The following KCP variants were observed in gnomAD, a reference collection of about 807,000 sequenced individuals.
KCP encodes kielin/chordin-like protein.
A neutral mutation model predicts 212.7 loss-of-function variants in KCP; 194 were observed. The observed-to-expected ratio is 0.91, with a 90% confidence interval of 0.81 to 1.03. The LOEUF (loss-of-function observed/expected upper bound fraction) is 1.03, where lower values mean the gene tolerates loss of function less well. Among genes scored for constraint, KCP ranks in the 50% least tolerant of loss-of-function variants. The probability of loss-of-function intolerance (pLI) is 0.00; values close to 1 mark genes in which losing one functional copy is unlikely to be tolerated. For missense variants in KCP, 2,080 were observed against 2,162.5 expected (o/e 0.96, Z 0.76); for synonymous variants, 833 against 865.3 (o/e 0.96, Z 0.65).
At chr7:128,909,478 T>G (rs1017244470) in intron 1 of KCP, among the ~76,000 whole-genome samples, 2 of 152,218 alleles carry the variant, frequency 1.3e-5, no homozygotes, top group Non-Finnish European at 2.9e-5. Flanking sequence ...GAACTTGCTT[T>G]GTCCCAAGTT....
intron 5 of KCP, chr7:128,904,357 C>T (rs755635742): frequency 4.5e-6 from 7 of 1,551,618 alleles, no homozygotes; most frequent in Non-Finnish European, 5.2e-6. Flanking sequence ...AACACGAGGG[C>T]CCCTGGCACT....
At chr7:128,877,356 G>A in intron 39 of KCP, 45 bp from the exon 40 acceptor site, 1 of 1,527,334 alleles carries the variant, frequency 6.5e-7, no homozygotes, top group Non-Finnish European at 8.8e-7. Context: ...ACCTGAAACT[G>A]CCCCAGTTGC....
chr7:128,904,625 G>A (rs1276375049), intron 5 of KCP, among the ~76,000 whole-genome samples: 1 of 152,234 alleles, frequency 6.6e-6, no homozygotes, highest in Non-Finnish European at 1.5e-5. Flanking sequence ...GGATGTGGGT[G>A]GTGGCTGATT....
In KCP at chr7:128,910,701, C is replaced by CCGTCTGT. The variant is rs773071953; in HGVS notation, c.-32_-26dup. 8 of 1,471,104 alleles carry CCGTCTGT rather than the reference C, an allele frequency of 5.4e-6. No homozygotes were observed. The South Asian group carries it at 1.1e-4, about 19-fold the overall frequency. The allele number at this position is 1,471,104 out of a possible 1,614,324, so 91.1% of individuals were successfully genotyped here. A position where few individuals can be genotyped will look rare whatever the true frequency, so the allele number is the denominator to read the frequency against. On this transcript the variant is annotated 5_prime_UTR_variant, in exon 1 of 40. Coordinates refer to ENST00000610776, the MANE Select transcript of KCP (RefSeq NM_001366122.1). ...TGCTAGCTCCGCCTCGCTCGGCTCG[C>CCGTCTGT]CGTCTGTCGTCGCGGCTCAGCAGGC...
chr7:128,883,469 G>T (rs908574087), intron 29 of KCP, among the ~76,000 whole-genome samples: 1 of 152,098 alleles, frequency 6.6e-6, no homozygotes, highest in Admixed American at 6.5e-5. Flanking sequence ...ACGTTCACCT[G>T]TATTGCAAAG....
intron 6 of KCP, 86 bp downstream of exon 6, chr7:128,903,970 G>T: frequency 7.2e-7 from 1 of 1,387,650 alleles, no homozygotes; most frequent in Non-Finnish European, 1.0e-6. Context: ...CATGTGAGGG[G>T]GCTGGAGGAG....
rs1794242885 is a variant in KCP, at chr7:128,892,757, G to C, written c.1458C>G (p.His486Gln). 1 of 1,551,610 alleles carries C rather than the reference G, an allele frequency of 6.4e-7. No individual in the cohort carries two copies. Among genetic ancestry groups the C allele is most frequent in the African/African-American group, 1.4e-5 (1 of 73,054 alleles). ...CCPSCDSCTY[H>Q]SQVYANGQNF... is the part of the protein sequence containing the mutation. The stretch of plus-strand genomic sequence containing the variant: ...TCTGCCCATTGGCATACACTTGGCT[G>C]TGGTAGGTGCAGCTGTCACAGCTGG... Residue 486 changes from histidine to glutamine, a missense_variant, in exon 15 of 40, where the codon CAC (histidine) becomes CAG (glutamine). Transcript: ENST00000610776.
Position 128,908,575 on chromosome 7 carries a change from G to T in KCP, c.77-7C>A, listed in dbSNP as rs117261419. On this transcript the variant is annotated splice_region_variant and splice_polypyrimidine_tract_variant and intron_variant, in intron 1 of 39. Coordinates refer to ENST00000610776, the MANE Select transcript of KCP (RefSeq NM_001366122.1). ...TCCCTGGGGACAGCCCCACCTGAAGGGCACAAGAATCCCATGTGGGCCTGA... is the reference window on the plus strand; with the variant it reads ...TCCCTGGGGACAGCCCCACCTGAAGTGCACAAGAATCCCATGTGGGCCTGA... The T allele has an allele frequency of 3.1e-3, 4,798 of 1,548,652 alleles. 12 individuals are homozygous for T. The highest frequency in any genetic ancestry group is 6.9e-3 in the South Asian group (577 of 83,884).
At chr7:128,887,084 A>G in intron 23 of KCP, 118 bp from the exon 24 acceptor site, 1 of 1,055,244 alleles carries the variant, frequency 9.5e-7, no homozygotes, top group East Asian at 2.6e-5. Context: ...ACCTGAGCCC[A>G]GTCCTGTCCC....
At chr7:128,902,692 C>T (rs891196593) in intron 8 of KCP, 85 bp downstream of exon 8, 14 of 1,268,868 alleles carry the variant, frequency 1.1e-5, no homozygotes, top group Admixed American at 4.0e-5. Flanking sequence ...AACACCTCTG[C>T]GAAGTACTCC....
At chr7:128,901,209 G>C (rs1029723989) in intron 8 of KCP, among the ~76,000 whole-genome samples, 5 of 152,208 alleles carry the variant, frequency 3.3e-5, no homozygotes, top group African/African-American at 1.2e-4. Flanking sequence ...AAAAGGGGAG[G>C]CATGAATAAT....
At position 128,890,447 on chromosome 7, in the gene KCP, T is replaced by C; in HGVS notation, c.2231A>G (p.His744Arg). 6.4e-7 allele frequency: 1 copy of C among 1,550,918 alleles called. No homozygotes were observed. Among genetic ancestry groups the C allele is most frequent in the Non-Finnish European group, 8.7e-7 (1 of 1,146,910 alleles). ...GCTGCCCTCCCAGCAAAGGCAGAGG[T>C]GGCAGGCAGCAGTGGGCGATGGGAA... ...ERFPSPTAACHLCLCWEGSVS... is the reference protein window; with the variant it reads ...ERFPSPTAACRLCLCWEGSVS... The change falls in exon 21 of 40, where the codon CAC (histidine) becomes CGC (arginine). Residue 744 changes from histidine to arginine, a missense_variant. Coordinates refer to ENST00000610776, the MANE Select transcript of KCP (RefSeq NM_001366122.1).
intron 22 of KCP, among the ~76,000 whole-genome samples, chr7:128,888,567 CATAT>C (rs1429404645): frequency 6.6e-6 from 1 of 151,378 alleles, no homozygotes; most frequent in Non-Finnish European, 1.5e-5. Context: ...CATACACACA[CATAT>C]ACACACGGCC....
At chr7:128,877,855 C>G in intron 38 of KCP, 65 bp from the exon 39 acceptor site, 2 of 1,362,996 alleles carry the variant, frequency 1.5e-6, no homozygotes, top group South Asian at 1.4e-5. Flanking sequence ...ATGCCGTGCT[C>G]TTCAAAGCAC....
At position 128,893,903 on chromosome 7, in the gene KCP, C is replaced by G. The variant is rs1395749589; in HGVS notation, c.1006-4G>C. The stretch of plus-strand genomic sequence containing the variant: ...GCTCACACTGGACACTCCCATTCTG[C>G]CAACAGGGCCTGGTCAGCACGCCAG... On this transcript the variant is annotated splice_region_variant and splice_polypyrimidine_tract_variant and intron_variant, in intron 10 of 39. Coordinates refer to ENST00000610776, the MANE Select transcript of KCP (RefSeq NM_001366122.1). 1.3e-6 allele frequency: 2 copies of G among 1,551,006 alleles called. No homozygotes were observed. Among genetic ancestry groups the G allele is most frequent in the Non-Finnish European group, 1.7e-6 (2 of 1,146,926 alleles).
rs759086004 is a variant in KCP at position 128,877,029 on chromosome 7, G to C, written c.*14C>G. 42 of 1,536,630 alleles carry C rather than the reference G, an allele frequency of 2.7e-5. No homozygotes were observed. Among genetic ancestry groups the C allele is most frequent in the Non-Finnish European group, 3.6e-5 (41 of 1,143,192 alleles). On this transcript the variant is annotated 3_prime_UTR_variant, in exon 40 of 40. Transcript: ENST00000610776. ...CTCCTGGCCTGATGAACCCTTATCA[G>C]GCACTGTCCTGGCTCAGGGTGTCTC... is the stretch of plus-strand genomic sequence containing the variant.
chr7:128,891,771 T>C lies in KCP; in HGVS notation c.1670A>G (p.His557Arg). 1 of 1,448,414 alleles carries C rather than the reference T, an allele frequency of 6.9e-7. No individual in the cohort carries two copies. The highest frequency in any genetic ancestry group is 9.1e-7 in the Non-Finnish European group (1 of 1,098,428). 89.7% of individuals were successfully genotyped at this position (1,448,414 alleles called of 1,614,324 possible). ...GCACTCCTGGCAGGGGTCTCGGGGG[T>C]GGGAGAAGCTCTCGCCGTCCACAAA... Reference protein sequence around the residue: ...EVFVDGESFSHPRDPCQECRC... With the variant: ...EVFVDGESFSRPRDPCQECRC... Residue 557 changes from histidine to arginine, a missense_variant, in exon 17 of 40, where the codon CAC becomes CGC. By Grantham distance (29) the His-to-Arg change is conservative. Transcript: ENST00000610776.
chr7:128,889,789 A>AGACAGGGG (rs1270595131), intron 21 of KCP, among the ~76,000 whole-genome samples: 1 of 152,150 alleles, frequency 6.6e-6, no homozygotes, highest in Non-Finnish European at 1.5e-5. Context: ...GAGTGAGGGA[A>AGACAGGGG]GACAGGGGGA....
At chr7:128,884,146 TG>T in intron 28 of KCP, 24 bp from the exon 29 acceptor site, 1 of 1,536,620 alleles carries the variant, frequency 6.5e-7, no homozygotes. Flanking sequence ...TGAGCAGCGG[TG>T]GGTCCTGGGC....
Sources: allele counts gnomAD v4.1 joint callset (sites outside exome capture counted in the v4.1 genomes callset), GRCh38; gene constraint gnomAD v4.1.1; transcripts MANE v1.5; gene names NCBI Gene and HGNC (gene_info 2026-07-23, HGNC 2026-07-21).